Variants in EPHB1 observed in about 807,000 individuals in gnomAD.
EPHB1 encodes the protein ephrin type-B receptor 1.
Under a neutral mutation model 94.4 loss-of-function variants are expected in EPHB1, and 30 were observed. The observed-to-expected ratio is 0.32, with a 90% CI of 0.24 to 0.43. The LOEUF (loss-of-function observed/expected upper bound fraction) is 0.43, where lower values mean the gene tolerates loss of function less well. Among genes scored for constraint, EPHB1 ranks in the 20% least tolerant of loss-of-function variants. The pLI, the probability that EPHB1 is intolerant of heterozygous loss-of-function variation, is 1.00. For synonymous variants in EPHB1, 522 were observed against 489.1 expected (o/e 1.07, Z -0.89); for missense variants, 1,055 against 1,308.3 (o/e 0.81, Z 2.99).
chr3:134,986,314 G>A (rs1275865627), intron 3 of EPHB1, among the ~76,000 whole-genome samples: 1 of 152,178 alleles, frequency 6.6e-6, no homozygotes, highest in Non-Finnish European at 1.5e-5. Context: ...AAGTAGGGGT[G>A]CTTTGTCTCT....
At chr3:135,243,566 A>C (rs1465381212) in intron 13 of EPHB1, among the ~76,000 whole-genome samples, 1 of 152,204 alleles carries the variant, frequency 6.6e-6, no homozygotes, top group African/African-American at 2.4e-5. Flanking sequence ...GCAAGAGGTG[A>C]CTTCATGCCC....
At chr3:134,847,212 C>T (rs930491789) in intron 1 of EPHB1, among the ~76,000 whole-genome samples, 1 of 152,006 alleles carries the variant, frequency 6.6e-6, no homozygotes, top group African/African-American at 2.4e-5. Flanking sequence ...TTCATAGGAG[C>T]CCAGGACTTG....
chr3:135,060,416 C>G (rs1576353870), intron 3 of EPHB1, among the ~76,000 whole-genome samples: 2 of 152,280 alleles, frequency 1.3e-5, no homozygotes, highest in South Asian at 4.1e-4. Context: ...TTTTGTTTAT[C>G]CATTCATCAG....
chr3:134,934,530 C>T (rs1009392919), intron 2 of EPHB1, among the ~76,000 whole-genome samples: 1 of 152,146 alleles, frequency 6.6e-6, no homozygotes, highest in African/African-American at 2.4e-5. Context: ...CTTGTGGTTG[C>T]CTTCATGGTG....
chr3:134,903,163 A>G (rs2038238610), intron 1 of EPHB1, among the ~76,000 whole-genome samples: 2 of 152,246 alleles, frequency 1.3e-5, no homozygotes, highest in African/African-American at 2.4e-5. Context: ...ATAAATAGAA[A>G]TAAAAGTGCG....
chr3:135,140,392 G>GTC (rs1184921969), intron 5 of EPHB1, among the ~76,000 whole-genome samples: 1 of 152,168 alleles, frequency 6.6e-6, no homozygotes, highest in African/African-American at 2.4e-5. Flanking sequence ...CCAGATAGGC[G>GTC]TCTAGTTGGG....
intron 4 of EPHB1, among the ~76,000 whole-genome samples, chr3:135,126,957 G>A (rs1441479431): frequency 7.2e-5 from 11 of 152,252 alleles, no homozygotes; most frequent in South Asian, 2.1e-4. Context: ...GAAGATTCCC[G>A]ATAATCCAAT....
chr3:134,839,333 T>A (rs1044810241), intron 1 of EPHB1, among the ~76,000 whole-genome samples: 3 of 152,234 alleles, frequency 2.0e-5, no homozygotes, highest in Non-Finnish European at 4.4e-5. Flanking sequence ...ATGTAGTTGT[T>A]AGATGACTAA....
chr3:135,031,336 G>A (rs964657315), intron 3 of EPHB1, among the ~76,000 whole-genome samples: 1 of 151,950 alleles, frequency 6.6e-6, no homozygotes, highest in Non-Finnish European at 1.5e-5. Context: ...TCTTGATGGG[G>A]TCTCACTCTG....
At chr3:135,075,067 A>T (rs1576364200) in intron 3 of EPHB1, among the ~76,000 whole-genome samples, 1 of 152,286 alleles carries the variant, frequency 6.6e-6, no homozygotes, top group East Asian at 1.9e-4. Context: ...GATTTCTGGG[A>T]TTCTCTGGTA....
chr3:135,151,571 C>T lies in EPHB1; in HGVS notation c.1298-2581C>T, dbSNP rs190175952. ...TTATTAGCTCTAGTCTCTGCTGAAT[C>T]CCCCCACTAGAAAGTAAGCTCTATG... On this transcript the variant is annotated intron_variant, in intron 5 of 15. Transcript: ENST00000398015. Among the ~76,000 whole-genome samples the T allele has an allele frequency of 9.9e-5, 15 of 152,212 alleles. No homozygotes were observed. In the East Asian group the frequency reaches 2.5e-3, roughly 25 times the overall value.
chr3:134,912,038 G>A (rs374236527), intron 1 of EPHB1, among the ~76,000 whole-genome samples: 6 of 152,210 alleles, frequency 3.9e-5, no homozygotes, highest in Admixed American at 3.3e-4. Flanking sequence ...AGATGGCAGC[G>A]TATTCCTTCT....
intron 2 of EPHB1, among the ~76,000 whole-genome samples, chr3:134,927,939 C>T (rs1341563452): frequency 6.6e-6 from 1 of 152,210 alleles, no homozygotes; most frequent in South Asian, 2.1e-4. Flanking sequence ...AAAGGAGGAT[C>T]AAGGACTATG....
At chr3:135,227,757 CAAACTT>C (rs1244327345) in intron 12 of EPHB1, among the ~76,000 whole-genome samples, 5 of 152,078 alleles carry the variant, frequency 3.3e-5, no homozygotes, top group Admixed American at 6.6e-5. Flanking sequence ...AAAATAATGT[CAAACTT>C]AAAGAAAGTT....
chr3:135,030,599 G>C (rs571584163), intron 3 of EPHB1, among the ~76,000 whole-genome samples: 1 of 152,212 alleles, frequency 6.6e-6, no homozygotes, highest in Non-Finnish European at 1.5e-5. Context: ...CTCCAGCTGC[G>C]TCCTGGGAGA....
rs534280153 is a variant in EPHB1, at chr3:134,830,154, CAT to C, written c.58+34468_58+34469del. ...GTTGTGCTCATTCCTCCCCTGCACACATATGTGCCATATATACATGTAATTGT... is the reference window on the plus strand; with the variant it reads ...GTTGTGCTCATTCCTCCCCTGCACACATGTGCCATATATACATGTAATTGT... On this transcript the variant is annotated intron_variant, in intron 1 of 15. Transcript: ENST00000398015. Among the ~76,000 whole-genome samples the C allele has an allele frequency of 1.4e-3, 207 of 152,344 alleles. 1 individual carries two copies. Among genetic ancestry groups the C allele is most frequent in the African/African-American group, 4.9e-3 (202 of 41,570 alleles).
At chr3:135,216,155 C>T (rs1264711150) in intron 12 of EPHB1, among the ~76,000 whole-genome samples, 1 of 152,168 alleles carries the variant, frequency 6.6e-6, no homozygotes, top group East Asian at 1.9e-4. Flanking sequence ...CCCACCCAGC[C>T]ATCACGTTGT....
At chr3:135,034,313 G>T (rs1245052319) in intron 3 of EPHB1, among the ~76,000 whole-genome samples, 2 of 152,106 alleles carry the variant, frequency 1.3e-5, no homozygotes, top group East Asian at 3.9e-4. Context: ...AGACCTTCAT[G>T]GTCCACTGGA....
intron 11 of EPHB1, among the ~76,000 whole-genome samples, chr3:135,198,904 G>C (rs766827262): frequency 8.5e-5 from 13 of 152,178 alleles, no homozygotes; most frequent in Admixed American, 8.5e-4. Context: ...CCACTAAGCT[G>C]CAGAGCCTGG....
Sources: gnomAD v4.1 joint callset for allele counts (sites outside exome capture counted in the v4.1 genomes callset) on GRCh38, gnomAD v4.1.1 for gene constraint, MANE v1.5 for transcripts, NCBI Gene and HGNC (gene_info 2026-07-23, HGNC 2026-07-21) for gene names.